SPAG16: variants seen among roughly 807,000 people sequenced by gnomAD.
SPAG16 encodes sperm-associated antigen 16 protein.
In SPAG16, 86 loss-of-function variants were observed where a neutral mutation model predicts 80.4. That is an observed-to-expected ratio of 1.07 (90% CI 0.90 to 1.28). The LOEUF is 1.28. Ranked by LOEUF, SPAG16 falls within the 50% of genes most tolerant of loss-of-function variation. The pLI, the probability that SPAG16 is intolerant of heterozygous loss-of-function variation, is 0.00. For missense variants in SPAG16, 870 were observed against 765.3 expected (o/e 1.14, Z -1.61); for synonymous variants, 294 against 265.9 (o/e 1.11, Z -1.03).
At chr2:213,317,793 G>A in intron 5 of SPAG16, 1 of 928,194 alleles carries the variant, frequency 1.1e-6, no homozygotes, top group Middle Eastern at 5.6e-4. Context: ...GTGGACTTTG[G>A]GTGATAATGA....
intron 13 of SPAG16, among the ~76,000 whole-genome samples, chr2:214,067,936 T>C (rs754918281): frequency 2.0e-5 from 3 of 152,288 alleles, no homozygotes; most frequent in Non-Finnish European, 4.4e-5. Context: ...AAAAATAATG[T>C]GTTACTTTGT....
chr2:213,881,925 A>G (rs1194088085), intron 11 of SPAG16, among the ~76,000 whole-genome samples: 1 of 152,028 alleles, frequency 6.6e-6, no homozygotes, highest in Non-Finnish European at 1.5e-5. Context: ...CTCAAGGGCA[A>G]TGGATCCATT....
intron 9 of SPAG16, among the ~76,000 whole-genome samples, chr2:213,395,928 G>C (rs2068008465): frequency 6.6e-6 from 1 of 152,152 alleles, no homozygotes; most frequent in Non-Finnish European, 1.5e-5. Context: ...GATAATTGCT[G>C]TTTCAACACA....
intron 10 of SPAG16, among the ~76,000 whole-genome samples, chr2:213,688,532 T>A (rs1440000928): frequency 6.6e-6 from 1 of 152,330 alleles, no homozygotes; most frequent in East Asian, 1.9e-4. Context: ...TGTAATGTTA[T>A]GCCAGAGTCA....
At chr2:213,893,938 A>C (rs1307449587) in intron 11 of SPAG16, among the ~76,000 whole-genome samples, 1 of 152,174 alleles carries the variant, frequency 6.6e-6, no homozygotes, top group African/African-American at 2.4e-5. Context: ...TTAATTATCC[A>C]ATTAAAAGGC....
chr2:213,692,199 A>C (rs560617646), intron 10 of SPAG16, among the ~76,000 whole-genome samples: 2 of 152,208 alleles, frequency 1.3e-5, no homozygotes, highest in African/African-American at 4.8e-5. Context: ...TGAAAAAGAT[A>C]CCTAATTATT....
rs1223053608 is a variant in SPAG16 at position 213,625,515 on chromosome 2, G to T, written c.1070+135425G>T. Among the ~76,000 whole-genome samples the T allele has an allele frequency of 2.0e-5, 3 of 151,920 alleles. No homozygotes were observed. In the South Asian group the frequency reaches 6.2e-4, roughly 32 times the overall value. ...GTAGATTATCTTTAATTTCTTTAAG[G>T]TTTATTTTACAGGTCAAATTCCAAC... On this transcript the variant is annotated intron_variant, in intron 10 of 15. Coordinates refer to ENST00000331683, the MANE Select transcript of SPAG16 (RefSeq NM_024532.5).
chr2:214,341,747 C>T (rs1324668595), intron 15 of SPAG16, among the ~76,000 whole-genome samples: 1 of 152,156 alleles, frequency 6.6e-6, no homozygotes, highest in African/African-American at 2.4e-5. Context: ...AGTTGATGTT[C>T]AATTCACTTT....
rs145084810 is a variant in SPAG16 at position 213,838,449 on chromosome 2, A to C, written c.1071-24036A>C. On this transcript the variant is annotated intron_variant, in intron 10 of 15. Coordinates refer to ENST00000331683, the MANE Select transcript of SPAG16 (RefSeq NM_024532.5). ...CGGCCTTCCAAAGTGCTGGGATTAC[A>C]GGCGTGAGCCACTGCGCTGGGCCAT... is the stretch of plus-strand genomic sequence containing the variant. Among the ~76,000 whole-genome samples, 3 of 152,372 alleles carry C rather than the reference A, an allele frequency of 2.0e-5. No homozygotes were observed. In the East Asian group the frequency reaches 5.8e-4, roughly 29 times the overall value.
intron 12 of SPAG16, among the ~76,000 whole-genome samples, chr2:213,999,141 A>G (rs971157059): frequency 6.6e-6 from 1 of 152,184 alleles, no homozygotes; most frequent in African/African-American, 2.4e-5. Context: ...AATGGGGAAA[A>G]TGTCTCCAGG....
At chr2:213,637,033 G>C (rs1041745805) in intron 10 of SPAG16, among the ~76,000 whole-genome samples, 3 of 152,132 alleles carry the variant, frequency 2.0e-5, no homozygotes, top group African/African-American at 7.2e-5. Flanking sequence ...TCATGTTCCA[G>C]TTCTCAGGGG....
At chr2:213,534,747 A>T (rs2076184269) in intron 10 of SPAG16, among the ~76,000 whole-genome samples, 1 of 152,100 alleles carries the variant, frequency 6.6e-6, no homozygotes, top group Admixed American at 6.6e-5. Context: ...GAATGAAAGG[A>T]AAGAGACACA....
rs529900083 is a variant in SPAG16, at chr2:213,867,879, G to A, written c.1214+5251G>A. On this transcript the variant is annotated intron_variant, in intron 11 of 15. Coordinates refer to ENST00000331683, the MANE Select transcript of SPAG16 (RefSeq NM_024532.5). The stretch of plus-strand genomic sequence containing the variant: ...GTGGAGCGTGCAGTGAGCTGAGATC[G>A]CGCCACTGCACTCCAGCTTGGGTGA... Among the ~76,000 whole-genome samples, 24 of 130,606 alleles carry A rather than the reference G, an allele frequency of 1.8e-4. No homozygotes were observed. In the South Asian group the frequency reaches 5.5e-3, roughly 30 times the overall value. 85.7% of individuals were successfully genotyped at this position (130,606 alleles called of 152,430 possible).
intron 15 of SPAG16, among the ~76,000 whole-genome samples, chr2:214,315,734 G>C (rs1695647735): frequency 6.6e-6 from 1 of 151,942 alleles, no homozygotes; most frequent in Non-Finnish European, 1.5e-5. Context: ...GTCTCACTAT[G>C]TTGTCCAGGC....
intron 15 of SPAG16, among the ~76,000 whole-genome samples, chr2:214,354,084 AAT>A (rs547331226): frequency 2.3e-4 from 35 of 151,136 alleles, no homozygotes; most frequent in African/African-American, 7.0e-4. Flanking sequence ...GTACCCCATA[AAT>A]ATATATATGT....
intron 11 of SPAG16, among the ~76,000 whole-genome samples, chr2:213,926,827 A>C (rs2106231494): frequency 6.6e-6 from 1 of 152,268 alleles, no homozygotes; most frequent in African/African-American, 2.4e-5. Flanking sequence ...TTTGAGAATA[A>C]TTTTGTAAGC....
chr2:213,513,864 G>C (rs1442947404), intron 10 of SPAG16, among the ~76,000 whole-genome samples: 1 of 152,130 alleles, frequency 6.6e-6, no homozygotes, highest in Non-Finnish European at 1.5e-5. Flanking sequence ...GCCATTTGCA[G>C]CAGCAAATGT....
intron 10 of SPAG16, among the ~76,000 whole-genome samples, chr2:213,522,117 G>C (rs2075700611): frequency 6.6e-6 from 1 of 152,192 alleles, no homozygotes; most frequent in African/African-American, 2.4e-5. Context: ...GTGGCTGGCT[G>C]TAAGAAATTA....
intron 13 of SPAG16, among the ~76,000 whole-genome samples, chr2:214,080,072 G>A (rs1257540354): frequency 1.3e-5 from 2 of 151,928 alleles, no homozygotes; most frequent in African/African-American, 4.8e-5. Context: ...TCCTTAAAAG[G>A]GTCATGATAA....
Sources: allele counts gnomAD v4.1 joint callset (sites outside exome capture counted in the v4.1 genomes callset), GRCh38; gene constraint gnomAD v4.1.1; transcripts MANE v1.5; gene names NCBI Gene and HGNC (gene_info 2026-07-23, HGNC 2026-07-21).